The following HS3ST5 variants were observed in gnomAD, a reference collection of about 807,000 sequenced individuals.
HS3ST5 encodes the protein heparan sulfate glucosamine 3-O-sulfotransferase 5.
Under a neutral mutation model 25.4 loss-of-function variants are expected in HS3ST5, and 10 were observed. The ratio of observed to expected loss-of-function variants is 0.39; its 90% CI spans 0.24 to 0.67. HS3ST5 has a LOEUF of 0.67. Among genes scored for constraint, HS3ST5 ranks in the 30% least tolerant of loss-of-function variants. The pLI is 0.44. For synonymous variants in HS3ST5, 170 were observed against 162.4 expected, an observed-to-expected ratio of 1.05 and a Z score of -0.36; for missense variants, 324 against 420.7, an observed-to-expected ratio of 0.77 and a Z score of 2.01.
At chr6:114,323,536 C>A (rs1776050791) in intron 1 of HS3ST5, among the ~76,000 whole-genome samples, 1 of 152,062 alleles carries the variant, frequency 6.6e-6, no homozygotes, top group South Asian at 2.1e-4. Flanking sequence ...ATCTCTTCCT[C>A]TTTTTAAATG....
At chr6:114,275,925 A>G (rs767784334) in intron 1 of HS3ST5, among the ~76,000 whole-genome samples, 2 of 151,908 alleles carry the variant, frequency 1.3e-5, no homozygotes, top group Non-Finnish European at 2.9e-5. Flanking sequence ...AAGTCCTCGT[A>G]GTTTGGGCTT....
At chr6:114,180,430 G>A (rs74832884) in intron 2 of HS3ST5, among the ~76,000 whole-genome samples, 89 of 152,166 alleles carry the variant, frequency 5.8e-4, no homozygotes, top group African/African-American at 2.1e-3. Flanking sequence ...AGATCAAGGT[G>A]CCAGCATGGT....
intron 2 of HS3ST5, among the ~76,000 whole-genome samples, chr6:114,170,671 C>T (rs553917477): frequency 3.9e-5 from 6 of 152,134 alleles, no homozygotes; most frequent in Non-Finnish European, 7.4e-5. Flanking sequence ...CTAGCTGCCA[C>T]GTTGGGGAAA....
At chr6:114,233,501 G>A (rs1771708034) in intron 1 of HS3ST5, among the ~76,000 whole-genome samples, 1 of 152,200 alleles carries the variant, frequency 6.6e-6, no homozygotes. Context: ...TGTCTGATCA[G>A]AATTCTACAG....
chr6:114,306,322 C>A (rs1454343101), intron 1 of HS3ST5, among the ~76,000 whole-genome samples: 1 of 147,248 alleles, frequency 6.8e-6, no homozygotes, highest in Non-Finnish European at 1.5e-5. Flanking sequence ...CCTACAGCAT[C>A]CTTAGGGGAC....
intron 1 of HS3ST5, among the ~76,000 whole-genome samples, chr6:114,279,506 C>T (rs1460901154): frequency 6.6e-6 from 1 of 152,004 alleles, no homozygotes; most frequent in Non-Finnish European, 1.5e-5. Context: ...AAAGCTGTCC[C>T]AGATTTTTGT....
chr6:114,302,353 G>A (rs554366968), intron 1 of HS3ST5, among the ~76,000 whole-genome samples: 1 of 152,312 alleles, frequency 6.6e-6, no homozygotes, highest in Non-Finnish European at 1.5e-5. Context: ...CAGTAGACAT[G>A]AAATGGTAAG....
chr6:114,151,972 C>T (rs1199114808), intron 3 of HS3ST5, among the ~76,000 whole-genome samples: 1 of 151,942 alleles, frequency 6.6e-6, no homozygotes, highest in Non-Finnish European at 1.5e-5. Context: ...GGTCTGTCGC[C>T]TAGGCTGGAG....
chr6:114,261,071 CAG>C (rs1362280102), intron 1 of HS3ST5, among the ~76,000 whole-genome samples: 1 of 152,060 alleles, frequency 6.6e-6, no homozygotes, highest in African/African-American at 2.4e-5. Context: ...TCGAGTATGA[CAG>C]GGGCAGAAAC....
chr6:114,316,968 T>C (rs1165441080), intron 1 of HS3ST5, among the ~76,000 whole-genome samples: 1 of 152,224 alleles, frequency 6.6e-6, no homozygotes, highest in African/African-American at 2.4e-5. Flanking sequence ...TGCATAGCAG[T>C]TACACAGTTA....
chr6:114,127,884 A>AT (rs1491392692), intron 3 of HS3ST5, among the ~76,000 whole-genome samples: 1 of 150,150 alleles, frequency 6.7e-6, no homozygotes, highest in Non-Finnish European at 1.5e-5. Context: ...ACTTATATAT[A>AT]GAGAGAGAGA....
At chr6:114,253,699 GA>G (rs1772770632) in intron 1 of HS3ST5, among the ~76,000 whole-genome samples, 1 of 152,170 alleles carries the variant, frequency 6.6e-6, no homozygotes, top group African/African-American at 2.4e-5. Flanking sequence ...AGGGAATAAC[GA>G]GATTCAATTA....
chr6:114,057,130 T>G lies in HS3ST5; in HGVS notation c.*127A>C. ...ACTGATCTTATATTTGGTCACACAC[T>G]GCGTATGTACAAATATACATGGAAA... On this transcript the variant is annotated 3_prime_UTR_variant, in exon 5 of 5. Coordinates refer to ENST00000312719, the MANE Select transcript of HS3ST5 (RefSeq NM_153612.4). 1 of 676,940 alleles carries G rather than the reference T, an allele frequency of 1.5e-6. No individual in the cohort carries two copies. The highest frequency in any genetic ancestry group is 2.5e-6 in the Non-Finnish European group (1 of 400,234). The allele number at this position is 676,940 out of a possible 1,614,324, so 41.9% of individuals were successfully genotyped here. A position where few individuals can be genotyped will look rare whatever the true frequency, so the allele number is the denominator to read the frequency against.
intron 3 of HS3ST5, among the ~76,000 whole-genome samples, chr6:114,161,766 C>T (rs1316647808): frequency 7.3e-6 from 1 of 137,476 alleles, no homozygotes; most frequent in African/African-American, 2.5e-5. Flanking sequence ...TTGGATAAAT[C>T]ATAAAATCAC....
At chr6:114,093,808 G>T (rs1335051175) in intron 3 of HS3ST5, among the ~76,000 whole-genome samples, 1 of 152,112 alleles carries the variant, frequency 6.6e-6, no homozygotes, top group Non-Finnish European at 1.5e-5. Flanking sequence ...GAGAAAATAT[G>T]ATTTGTGTTA....
chr6:114,277,528 A>G (rs529434347), intron 1 of HS3ST5, among the ~76,000 whole-genome samples: 51 of 151,698 alleles, frequency 3.4e-4, no homozygotes, highest in Non-Finnish European at 5.2e-4. Context: ...ACAGTCATAA[A>G]TTTTTTTGTA....
intron 3 of HS3ST5, among the ~76,000 whole-genome samples, chr6:114,090,500 T>A (rs1456572437): frequency 6.6e-6 from 1 of 152,210 alleles, no homozygotes; most frequent in Non-Finnish European, 1.5e-5. Context: ...AATCCACTGA[T>A]GAAAACAAAT....
intron 1 of HS3ST5, among the ~76,000 whole-genome samples, chr6:114,260,515 G>A (rs540370366): frequency 6.6e-6 from 1 of 152,266 alleles, no homozygotes; most frequent in East Asian, 1.9e-4. Flanking sequence ...GGTAGCAATC[G>A]ATTTTTAAGA....
chr6:114,129,012 G>C (rs948585680), intron 3 of HS3ST5, among the ~76,000 whole-genome samples: 1 of 135,242 alleles, frequency 7.4e-6, no homozygotes. Flanking sequence ...TTTCTGGATT[G>C]TTTATTTGTC....
Sources: allele counts gnomAD v4.1 joint callset (sites outside exome capture counted in the v4.1 genomes callset), GRCh38; gene constraint gnomAD v4.1.1; transcripts MANE v1.5; gene names NCBI Gene and HGNC (gene_info 2026-07-23, HGNC 2026-07-21).